The following CLEC3B variants were observed in gnomAD, a reference collection of about 807,000 sequenced individuals.
CLEC3B encodes the protein C-type lectin domain family 3 member B, also known as tetranectin.
Under a neutral mutation model 15.4 loss-of-function variants are expected in CLEC3B, and 13 were observed. The ratio of observed to expected loss-of-function variants is 0.84; its 90% CI spans 0.55 to 1.34. The LOEUF (loss-of-function observed/expected upper bound fraction) is 1.34, where lower values mean the gene tolerates loss of function less well. CLEC3B is among the 40% of genes most tolerant of loss of function. The pLI, the probability that CLEC3B is intolerant of heterozygous loss-of-function variation, is 0.00. For missense variants in CLEC3B, 242 were observed against 268.6 expected (o/e 0.90, Z 0.69); for synonymous variants, 112 against 114.7 (o/e 0.98, Z 0.15).
rs1697544485 is a variant in CLEC3B at position 45,030,884 on chromosome 3, A to G, written c.167A>G (p.Gln56Arg). ...ELKSRLDTLA[Q>R]EVALLKEQQA... ...AAGAGCCGTCTGGACACCCTGGCCCAGGAGGTGGCCCTGCTGAAGGAGCAG... is the reference window on the plus strand; with the variant it reads ...AAGAGCCGTCTGGACACCCTGGCCCGGGAGGTGGCCCTGCTGAAGGAGCAG... The change falls in exon 2 of 3, where the codon CAG becomes CGG. Residue 56 changes from glutamine (Q) to arginine (R), a missense_variant. By Grantham distance (43) the Gln-to-Arg change is conservative. Transcript: ENST00000296130. 5 of 1,594,142 alleles carry G rather than the reference A, an allele frequency of 3.1e-6. No individual in the cohort carries two copies. Among genetic ancestry groups the G allele is most frequent in the South Asian group, 1.1e-5 (1 of 87,586 alleles).
intron 1 of CLEC3B, 41 bp downstream of exon 1, chr3:45,026,512 C>G: frequency 4.5e-6 from 7 of 1,542,792 alleles, no homozygotes; most frequent in Non-Finnish European, 6.3e-6. Context: ...TTCCAGGGAG[C>G]AGGTCCCCCT....
At chr3:45,033,955 G>C (rs906013925) in intron 2 of CLEC3B, among the ~76,000 whole-genome samples, 3 of 142,672 alleles carry the variant, frequency 2.1e-5, no homozygotes, top group Admixed American at 7.0e-5. Flanking sequence ...GTACTGTGGT[G>C]CCACGAAAGC....
rs764661463 is a variant in CLEC3B at position 45,035,767 on chromosome 3, G to A, written c.452G>A (p.Arg151His). 1.9e-6 allele frequency: 3 copies of A among 1,613,670 alleles called. No homozygotes were observed. Among genetic ancestry groups the A allele is most frequent in the Non-Finnish European group, 2.5e-6 (3 of 1,179,982 alleles). Residue 151 changes from arginine to histidine, a missense_variant, in exon 3 of 3, where the codon CGC (arginine) becomes CAC (histidine). Arg to His is a conservative substitution (Grantham distance 29, BLOSUM62 0). Transcript: ENST00000296130. ...ACCTGGGTGGACATGACCGGCGCCC[G>A]CATCGCCTACAAGAACTGGGAGACT... ...EGTWVDMTGARIAYKNWETEI... is the reference protein window; with the variant it reads ...EGTWVDMTGAHIAYKNWETEI...
intron 1 of CLEC3B, among the ~76,000 whole-genome samples, chr3:45,028,431 G>A (rs892560463): frequency 1.3e-5 from 2 of 152,116 alleles, no homozygotes; most frequent in African/African-American, 4.8e-5. Context: ...TGGTGTACAC[G>A]TGTAGTCCCA....
intron 2 of CLEC3B, 121 bp from the exon 3 acceptor site, chr3:45,035,403 C>T: frequency 7.4e-7 from 1 of 1,343,230 alleles, no homozygotes; most frequent in Non-Finnish European, 1.0e-6. Context: ...GTCTAAGGGG[C>T]TGTCAGGACT....
Position 45,035,708 on chromosome 3 carries a change from C to T in CLEC3B, c.393C>T (p.Ile131=), listed in dbSNP as rs1410577633. ...AGAGCGTGGGCAACGAGGCCGAGAT[C>T]TGGCTGGGCCTCAACGACATGGCGG... ...LRQSVGNEAE[I]WLGLNDMAAE... Residue 131 remains isoleucine, a synonymous_variant, in exon 3 of 3, where the codon ATC becomes ATT. Coordinates refer to ENST00000296130, the MANE Select transcript of CLEC3B (RefSeq NM_003278.3). 2 of 1,613,862 alleles carry T rather than the reference C, an allele frequency of 1.2e-6. No individual in the cohort carries two copies. Among genetic ancestry groups the T allele is most frequent in the Non-Finnish European group, 1.7e-6 (2 of 1,180,016 alleles).
chr3:45,028,459 G>A (rs903939382), intron 1 of CLEC3B, among the ~76,000 whole-genome samples: 1 of 152,234 alleles, frequency 6.6e-6, no homozygotes, highest in African/African-American at 2.4e-5. Flanking sequence ...AGGAGGCTGA[G>A]GCAGGAGAAT....
At chr3:45,031,750 T>C (rs535400739) in intron 2 of CLEC3B, among the ~76,000 whole-genome samples, 1 of 152,338 alleles carries the variant, frequency 6.6e-6, no homozygotes, top group South Asian at 2.1e-4. Context: ...ATTTTCCACA[T>C]ACCTCCGATT....
intron 2 of CLEC3B, among the ~76,000 whole-genome samples, chr3:45,035,282 C>T (rs1015964686): frequency 2.0e-5 from 3 of 152,176 alleles, no homozygotes; most frequent in Non-Finnish European, 2.9e-5. Flanking sequence ...GCCTTTTCTC[C>T]CAGCCGCGGG....
At chr3:45,034,393 C>T (rs2125980841) in intron 2 of CLEC3B, 1 of 152,238 alleles carries the variant, frequency 6.6e-6, no homozygotes, top group African/African-American at 2.4e-5. Context: ...GGGATGCTGT[C>T]CATTGATATT....
At chr3:45,028,420 A>T (rs901362179) in intron 1 of CLEC3B, among the ~76,000 whole-genome samples, 3 of 152,144 alleles carry the variant, frequency 2.0e-5, no homozygotes, top group African/African-American at 7.2e-5. Context: ...GCTGAGTGTG[A>T]TGGTGTACAC....
In CLEC3B at chr3:45,035,942, G is replaced by A; in HGVS notation, c.*18G>A. On this transcript the variant is annotated 3_prime_UTR_variant, in exon 3 of 3. Coordinates refer to ENST00000296130, the MANE Select transcript of CLEC3B (RefSeq NM_003278.3). ...TCGTGTAGCCGGCGGGGCGGGGGCCGTGGGGGGCCTGGAGGAGGGCAGGGG... is the reference window on the plus strand; with the variant it reads ...TCGTGTAGCCGGCGGGGCGGGGGCCATGGGGGGCCTGGAGGAGGGCAGGGG... 1.4e-5 allele frequency: 22 copies of A among 1,563,004 alleles called. No homozygotes were observed. The highest frequency in any genetic ancestry group is 1.6e-5 in the Non-Finnish European group (19 of 1,154,514).
intron 1 of CLEC3B, chr3:45,030,239 T>A (rs992295348): frequency 1.0e-6 from 1 of 985,834 alleles, no homozygotes. Flanking sequence ...AGCACTGAGG[T>A]AGGCAGCTCT....
Position 45,035,747 on chromosome 3 carries a change from G to A in CLEC3B, c.432G>A (p.Trp144Ter). ...ACGACATGGCGGCCGAGGGCACCTG[G>A]GTGGACATGACCGGCGCCCGCATCG... Reference protein sequence around the residue: ...GLNDMAAEGTWVDMTGARIAY... With the variant: ...GLNDMAAEGT Residue 144 changes from tryptophan (W) to a stop codon, truncating the protein, a stop_gained, in exon 3 of 3, where the codon TGG becomes TGA. Coordinates refer to ENST00000296130, the MANE Select transcript of CLEC3B (RefSeq NM_003278.3). LOFTEE classifies it high-confidence loss of function. 1 of 1,613,790 alleles carries A rather than the reference G, an allele frequency of 6.2e-7. No individual in the cohort carries two copies. The highest frequency in any genetic ancestry group is 8.5e-7 in the Non-Finnish European group (1 of 1,179,994).
At chr3:45,029,498 ACT>A (rs1048304495) in intron 1 of CLEC3B, among the ~76,000 whole-genome samples, 1 of 151,362 alleles carries the variant, frequency 6.6e-6, no homozygotes, top group Non-Finnish European at 1.5e-5. Context: ...CCAGCCCCAA[ACT>A]CTCCCTTTTT....
intron 1 of CLEC3B, among the ~76,000 whole-genome samples, chr3:45,027,947 G>A (rs1216789223): frequency 1.3e-5 from 2 of 151,810 alleles, no homozygotes; most frequent in African/African-American, 4.8e-5. Flanking sequence ...AAAAAAAAAA[G>A]GGTCAGAGCA....
intron 1 of CLEC3B, among the ~76,000 whole-genome samples, chr3:45,028,855 G>T (rs1434399039): frequency 1.3e-5 from 2 of 152,248 alleles, no homozygotes; most frequent in African/African-American, 4.8e-5. Flanking sequence ...GGGAATGCCA[G>T]CATATGCTAA....
Position 45,030,266 on chromosome 3 carries a change from A to T in CLEC3B, c.110-561A>T, listed in dbSNP as rs181766217. The T allele has an allele frequency of 1.7e-4, 169 of 968,704 alleles. 1 individual carries two copies. The African/African-American group carries it at 2.8e-3, about 16-fold the overall frequency. The allele number at this position is 968,704 out of a possible 1,614,324, so 60.0% of individuals were successfully genotyped here. ...GGCAGCTCTGCGTTTCAGTTCTCTT[A>T]GTCTTCTCCAGAGTCCTAGGAGGTG... is the stretch of plus-strand genomic sequence containing the variant. On this transcript the variant is annotated intron_variant, in intron 1 of 2. Coordinates refer to ENST00000296130, the MANE Select transcript of CLEC3B (RefSeq NM_003278.3).
At chr3:45,032,147 C>T (rs990561480) in intron 2 of CLEC3B, among the ~76,000 whole-genome samples, 1 of 152,162 alleles carries the variant, frequency 6.6e-6, no homozygotes, top group African/African-American at 2.4e-5. Flanking sequence ...CACAGCCACT[C>T]TCTTACCTGT....
Sources: gnomAD v4.1 joint callset for allele counts (sites outside exome capture counted in the v4.1 genomes callset) on GRCh38, gnomAD v4.1.1 for gene constraint, MANE v1.5 for transcripts, NCBI Gene and HGNC (gene_info 2026-07-23, HGNC 2026-07-21) for gene names.